Variants in MSH3 observed in about 807,000 individuals in gnomAD.
MSH3 encodes mutS homolog 3.
A neutral mutation model predicts 123.3 loss-of-function variants in MSH3; 106 were observed. The observed-to-expected ratio is 0.86, with a 90% CI of 0.73 to 1.01. The LOEUF is 1.01. MSH3 is among the 50% of genes least tolerant of loss of function. The pLI, the probability that MSH3 is intolerant of heterozygous loss-of-function variation, is 0.00. For missense variants in MSH3, 1,459 were observed against 1,347.6 expected (o/e 1.08, Z -1.29); for synonymous variants, 515 against 481.4 (o/e 1.07, Z -0.91).
At chr5:80,849,816 T>C (rs1158875097) in intron 20 of MSH3, among the ~76,000 whole-genome samples, 1 of 152,138 alleles carries the variant, frequency 6.6e-6, no homozygotes. Flanking sequence ...CCCATTGTCT[T>C]GGGGATTAAC....
chr5:80,825,890 T>A (rs968248727), intron 20 of MSH3, among the ~76,000 whole-genome samples: 1 of 152,230 alleles, frequency 6.6e-6, no homozygotes, highest in Non-Finnish European at 1.5e-5. Flanking sequence ...TGTGCCTGTT[T>A]ACAAAAAGAT....
chr5:80,665,332 C>T lies in MSH3; in HGVS notation c.548C>T (p.Ser183Phe), dbSNP rs1432159214. Residue 183 changes from serine to phenylalanine, a missense_variant, in exon 3 of 24, where the codon TCT (serine) becomes TTT (phenylalanine). Ser to Phe is a radical substitution (Grantham distance 155, BLOSUM62 -2). Coordinates refer to ENST00000265081, the MANE Select transcript of MSH3 (RefSeq NM_002439.5). ...CTACACGCAAAGAATGCAGTTTCTT[C>T]TGAAGATTCGAAACGTCAAATTAAT... is the stretch of plus-strand genomic sequence containing the variant. ...SLLHAKNAVS[S>F]EDSKRQINQK... 4.3e-6 allele frequency: 7 copies of T among 1,612,914 alleles called. No homozygotes were observed. The highest frequency in any genetic ancestry group is 2.2e-5 in the East Asian group (1 of 44,872).
intron 8 of MSH3, among the ~76,000 whole-genome samples, chr5:80,694,620 T>C (rs1337988095): frequency 1.3e-5 from 2 of 152,102 alleles, no homozygotes; most frequent in Non-Finnish European, 2.9e-5. Context: ...CCTTTTTGTT[T>C]AGAGAACTTC....
chr5:80,655,053 C>G, intron 1 of MSH3, 89 bp downstream of exon 1: 1 of 725,508 alleles, frequency 1.4e-6, no homozygotes, highest in Non-Finnish European at 2.1e-6. Flanking sequence ...ACCCTCCGCC[C>G]GATGATAGGG....
chr5:80,797,221 A>G lies in MSH3; in HGVS notation c.2655+4377A>G, dbSNP rs186818335. On this transcript the variant is annotated intron_variant, in intron 19 of 23. Transcript: ENST00000265081. ...TCGCCACTCTATTTCTCCACATCTCAGTACTTATTCCACCAAATTATAATC... is the reference window on the plus strand; with the variant it reads ...TCGCCACTCTATTTCTCCACATCTCGGTACTTATTCCACCAAATTATAATC... 3.3e-5 allele frequency among the ~76,000 whole-genome samples: 5 copies of G among 152,242 alleles called. No homozygotes were observed. In the East Asian group the frequency reaches 9.6e-4, roughly 29 times the overall value.
chr5:80,693,759 G>A (rs1039418164), intron 8 of MSH3, among the ~76,000 whole-genome samples: 1 of 152,112 alleles, frequency 6.6e-6, no homozygotes, highest in African/African-American at 2.4e-5. Context: ...CTGGGTTCAA[G>A]TAATTCTCCT....
intron 12 of MSH3, among the ~76,000 whole-genome samples, chr5:80,745,642 C>T (rs982181880): frequency 2.0e-5 from 3 of 152,166 alleles, no homozygotes; most frequent in African/African-American, 4.8e-5. Flanking sequence ...TGAAGAGAAC[C>T]GCTATGTGTT....
intron 12 of MSH3, chr5:80,746,495 T>A (rs1429288045): frequency 8.0e-6 from 4 of 501,138 alleles, no homozygotes; most frequent in African/African-American, 7.8e-5. Context: ...AAACCTTTGA[T>A]GTCTAAGTAG....
intron 10 of MSH3, among the ~76,000 whole-genome samples, chr5:80,729,875 C>A (rs1561458327): frequency 6.6e-6 from 1 of 152,086 alleles, no homozygotes; most frequent in Non-Finnish European, 1.5e-5. Flanking sequence ...TTATATTGAT[C>A]CAGGGTGCAT....
At chr5:80,799,041 T>C (rs1409337299) in intron 19 of MSH3, among the ~76,000 whole-genome samples, 1 of 152,240 alleles carries the variant, frequency 6.6e-6, no homozygotes, top group East Asian at 1.9e-4. Context: ...ATTAAAATCC[T>C]GCTCTGCTGT....
At chr5:80,814,296 A>G (rs1292223094) in intron 20 of MSH3, among the ~76,000 whole-genome samples, 1 of 151,758 alleles carries the variant, frequency 6.6e-6, no homozygotes, top group Non-Finnish European at 1.5e-5. Flanking sequence ...TTTGAGATGG[A>G]GTTTTGCTCT....
At chr5:80,704,120 C>G (rs1466698521) in intron 8 of MSH3, among the ~76,000 whole-genome samples, 2 of 152,122 alleles carry the variant, frequency 1.3e-5, no homozygotes, top group African/African-American at 2.4e-5. Flanking sequence ...ATTTTCTGTT[C>G]CGGGGTCTAT....
At chr5:80,814,129 GAAAAA>G (rs10708713) in intron 20 of MSH3, among the ~76,000 whole-genome samples, 1 of 142,736 alleles carries the variant, frequency 7.0e-6, no homozygotes, top group African/African-American at 2.6e-5. Context: ...CTGTCTCAAA[GAAAAA>G]AAAAAAAACA....
At chr5:80,809,995 GT>G (rs1744977440) in intron 19 of MSH3, among the ~76,000 whole-genome samples, 1 of 151,770 alleles carries the variant, frequency 6.6e-6, no homozygotes, top group Non-Finnish European at 1.5e-5. Context: ...AGAGATTGAC[GT>G]TTTGTAATAT....
intron 19 of MSH3, among the ~76,000 whole-genome samples, chr5:80,795,417 G>T (rs1224181864): frequency 6.6e-6 from 1 of 152,150 alleles, no homozygotes; most frequent in Non-Finnish European, 1.5e-5. Context: ...GGTACCAGCA[G>T]ATTCAGTTTC....
At chr5:80,680,104 AC>A (rs1749941763) in intron 8 of MSH3, among the ~76,000 whole-genome samples, 1 of 151,696 alleles carries the variant, frequency 6.6e-6, no homozygotes, top group African/African-American at 2.4e-5. Flanking sequence ...AAAAAAAAAT[AC>A]AAAAATTAGC....
At chr5:80,826,418 G>A (rs1383515712) in intron 20 of MSH3, among the ~76,000 whole-genome samples, 1 of 152,108 alleles carries the variant, frequency 6.6e-6, no homozygotes, top group Non-Finnish European at 1.5e-5. Context: ...ATTATCAATT[G>A]GCCATTTAGA....
chr5:80,824,223 C>T (rs550465490), intron 20 of MSH3, among the ~76,000 whole-genome samples: 20 of 152,130 alleles, frequency 1.3e-4, no homozygotes, highest in South Asian at 2.1e-4. Flanking sequence ...ACCTCCCAGA[C>T]GGGGTGGCGG....
In MSH3 at chr5:80,679,069, T is replaced by C. The variant is rs140465019; in HGVS notation, c.1316T>C (p.Leu439Pro). ...GCCTTGTCCGAGCAAACAGAGGCGCTCATCCACAGAGCCACATCTGTTAGG... is the reference window on the plus strand; with the variant it reads ...GCCTTGTCCGAGCAAACAGAGGCGCCCATCCACAGAGCCACATCTGTTAGG... ...PSALSEQTEA[L>P]IHRATSVSVQ... The change falls in exon 8 of 24, where the codon CTC becomes CCC. Residue 439 changes from leucine (L) to proline (P), a missense_variant. Physicochemically the swap from Leu to Pro is moderately conservative, Grantham distance 98. Coordinates refer to ENST00000265081, the MANE Select transcript of MSH3 (RefSeq NM_002439.5). The C allele has an allele frequency of 6.2e-7, 1 of 1,614,092 alleles. No homozygotes were observed. The highest frequency in any genetic ancestry group is 8.5e-7 in the Non-Finnish European group (1 of 1,180,002).
Sources: allele counts gnomAD v4.1 joint callset (sites outside exome capture counted in the v4.1 genomes callset), GRCh38; gene constraint gnomAD v4.1.1; transcripts MANE v1.5; gene names NCBI Gene and HGNC (gene_info 2026-07-23, HGNC 2026-07-21).